Variants in BANK1 observed in about 807,000 individuals in gnomAD.
BANK1 encodes B cell scaffold protein with ankyrin repeats 1.
A neutral mutation model predicts 94.5 loss-of-function variants in BANK1; 95 were observed. The observed-to-expected ratio is 1.00, with a 90% confidence interval of 0.85 to 1.19. The LOEUF is 1.19. Among genes scored for constraint, BANK1 ranks in the 50% most tolerant of loss-of-function variants. The pLI is 0.00. For missense variants in BANK1, 987 were observed against 932.2 expected, an observed-to-expected ratio of 1.06 and a Z score of -0.77; for synonymous variants, 334 against 308.4, an observed-to-expected ratio of 1.08 and a Z score of -0.87.
intron 5 of BANK1, among the ~76,000 whole-genome samples, chr4:101,887,819 CAG>C (rs1434792660): frequency 2.0e-5 from 3 of 152,062 alleles, no homozygotes; most frequent in Non-Finnish European, 2.9e-5. Context: ...TCATTCAAAA[CAG>C]AAAATTAAGT....
chr4:101,996,064 G>GTTTTTATGGTTTCAGGTC lies in BANK1; in HGVS notation c.1207-25448_1207-25447insTTTATGGTTTCAGGTCTT, dbSNP rs551863535. ...GGTATTGCCTAGGTTTTCTTCTGGGGTTACATTTAAGTCTTTAATCCATCT... is the reference window on the plus strand; with the variant it reads ...GGTATTGCCTAGGTTTTCTTCTGGGGTTTTTATGGTTTCAGGTCTTACATTTAAGTCTTTAATCCATCT... On this transcript the variant is annotated intron_variant, in intron 7 of 16. Transcript: ENST00000322953. Among the ~76,000 whole-genome samples, 1,051 of 150,226 alleles carry GTTTTTATGGTTTCAGGTC rather than the reference G, an allele frequency of 7.0e-3. 14 individuals carry two copies. Among genetic ancestry groups the GTTTTTATGGTTTCAGGTC allele is most frequent in the East Asian group, 0.056 (287 of 5,090 alleles).
At chr4:101,813,831 C>CA (rs998514538) in intron 1 of BANK1, 2 of 984,910 alleles carry the variant, frequency 2.0e-6, no homozygotes, top group African/African-American at 3.5e-5. Context: ...CCCTTCTGGC[C>CA]AACAAGGGCT....
At chr4:101,933,328 A>G (rs1056898504) in intron 7 of BANK1, among the ~76,000 whole-genome samples, 1 of 150,840 alleles carries the variant, frequency 6.6e-6, no homozygotes, top group Non-Finnish European at 1.5e-5. Context: ...AAAAAAAAAA[A>G]GCTAAGCATG....
At chr4:101,892,241 TAAA>T (rs1340482071) in intron 5 of BANK1, among the ~76,000 whole-genome samples, 1 of 151,046 alleles carries the variant, frequency 6.6e-6, no homozygotes, top group Non-Finnish European at 1.5e-5. Flanking sequence ...GTTATAATAA[TAAA>T]GTTATTTATC....
intron 7 of BANK1, among the ~76,000 whole-genome samples, chr4:102,018,708 A>G (rs1726793600): frequency 6.6e-6 from 1 of 152,200 alleles, no homozygotes; most frequent in Non-Finnish European, 1.5e-5. Context: ...TCATTTAGAG[A>G]AGTGAGAATC....
intron 2 of BANK1, among the ~76,000 whole-genome samples, chr4:101,843,002 T>C (rs1370857137): frequency 6.6e-6 from 1 of 152,216 alleles, no homozygotes; most frequent in East Asian, 1.9e-4. Flanking sequence ...TTTAGAAAGT[T>C]TTTCTGTCTG....
intron 6 of BANK1, among the ~76,000 whole-genome samples, chr4:101,903,369 C>T (rs1319872224): frequency 6.6e-6 from 1 of 152,132 alleles, no homozygotes; most frequent in Non-Finnish European, 1.5e-5. Context: ...TTTCCATGAT[C>T]ATAACCATGT....
At chr4:101,946,606 A>G (rs1205013901) in intron 7 of BANK1, among the ~76,000 whole-genome samples, 2 of 151,936 alleles carry the variant, frequency 1.3e-5, no homozygotes, top group African/African-American at 2.4e-5. Flanking sequence ...GAAAACCGAG[A>G]TGGATTAAAG....
rs182627561 is a variant in BANK1, at chr4:101,859,917, T to C, written c.625-2609T>C. 7.2e-5 allele frequency among the ~76,000 whole-genome samples: 11 copies of C among 152,276 alleles called. No individual in the cohort carries two copies. In the South Asian group the frequency reaches 1.5e-3, roughly 20 times the overall value. ...ACTAATCAGGAGTAGAGAGCATGACTCTTAGAAACAGTCAAATGATGGTTA... is the reference window on the plus strand; with the variant it reads ...ACTAATCAGGAGTAGAGAGCATGACCCTTAGAAACAGTCAAATGATGGTTA... On this transcript the variant is annotated intron_variant, in intron 3 of 16. Transcript: ENST00000322953.
chr4:101,922,505 C>T (rs1723031871), intron 7 of BANK1, among the ~76,000 whole-genome samples: 1 of 151,734 alleles, frequency 6.6e-6, no homozygotes, highest in Admixed American at 6.6e-5. Context: ...GTATTTTTCT[C>T]GTTGATGGTA....
intron 7 of BANK1, among the ~76,000 whole-genome samples, chr4:101,993,102 T>C (rs1469189185): frequency 1.3e-5 from 2 of 152,166 alleles, no homozygotes; most frequent in Non-Finnish European, 2.9e-5. Flanking sequence ...TTATTTTCCA[T>C]CTTTCTGGGT....
intron 7 of BANK1, among the ~76,000 whole-genome samples, chr4:101,986,829 A>G (rs1363855753): frequency 6.6e-5 from 8 of 120,580 alleles, no homozygotes; most frequent in African/African-American, 2.3e-4. Flanking sequence ...ATGTGTATAT[A>G]TATGTATATA....
chr4:102,039,512 A>ATTAGATT (rs1727637538), intron 10 of BANK1, among the ~76,000 whole-genome samples: 1 of 151,948 alleles, frequency 6.6e-6, no homozygotes, highest in African/African-American at 2.4e-5. Flanking sequence ...CCTTTTTGTG[A>ATTAGATT]TTAGATTTAA....
chr4:101,985,955 G>C (rs1363514011), intron 7 of BANK1, among the ~76,000 whole-genome samples: 1 of 152,082 alleles, frequency 6.6e-6, no homozygotes, highest in Non-Finnish European at 1.5e-5. Context: ...GGATAAAAGA[G>C]AACTGCATTC....
intron 7 of BANK1, among the ~76,000 whole-genome samples, chr4:101,992,368 C>T (rs1341226180): frequency 6.6e-6 from 1 of 152,076 alleles, no homozygotes; most frequent in Non-Finnish European, 1.5e-5. Flanking sequence ...ACCTCCCAAC[C>T]AAAATCACAA....
chr4:101,893,695 A>G (rs989484929), intron 5 of BANK1, among the ~76,000 whole-genome samples: 1 of 152,062 alleles, frequency 6.6e-6, no homozygotes, highest in African/African-American at 2.4e-5. Flanking sequence ...AAATTGTGTC[A>G]TCTTCATTTA....
At chr4:101,982,585 T>C (rs184719933) in intron 7 of BANK1, among the ~76,000 whole-genome samples, 157 of 152,164 alleles carry the variant, frequency 1.0e-3, no homozygotes, top group African/African-American at 3.4e-3. Flanking sequence ...TTTAAAGCAC[T>C]TTTTTATTCG....
Position 102,064,353 on chromosome 4 carries a change from G to A in BANK1, c.2212+1215G>A, listed in dbSNP as rs867060605. Among the ~76,000 whole-genome samples, 20 of 152,206 alleles carry A rather than the reference G, an allele frequency of 1.3e-4. No homozygotes were observed. In the South Asian group the frequency reaches 1.4e-3, roughly 11 times the overall value. ...CTTACAGACACCTCCATTCTAATAT[G>A]AGTAAGATTAAAATTTTAATGATTT... On this transcript the variant is annotated intron_variant, in intron 13 of 16. Coordinates refer to ENST00000322953, the MANE Select transcript of BANK1 (RefSeq NM_017935.5).
chr4:102,071,012 T>C (rs2148967915), intron 13 of BANK1, among the ~76,000 whole-genome samples: 1 of 152,320 alleles, frequency 6.6e-6, no homozygotes, highest in South Asian at 2.1e-4. Context: ...GCAGCAAGCT[T>C]GTGTTAATGT....
Sources: gnomAD v4.1 joint callset for allele counts (sites outside exome capture counted in the v4.1 genomes callset) on GRCh38, gnomAD v4.1.1 for gene constraint, MANE v1.5 for transcripts, NCBI Gene and HGNC (gene_info 2026-07-23, HGNC 2026-07-21) for gene names.